RASA1: variants seen among roughly 807,000 people sequenced by gnomAD.
RASA1 encodes RAS p21 protein activator 1.
In RASA1, 25 loss-of-function variants were observed where a neutral mutation model predicts 132.2. That is an observed-to-expected ratio of 0.19 (90% confidence interval 0.14 to 0.26). The LOEUF is 0.26. Ranked by LOEUF, RASA1 falls within the 10% of genes least tolerant of loss-of-function variation. The probability of loss-of-function intolerance (pLI) is 1.00; values close to 1 mark genes in which losing one functional copy is unlikely to be tolerated. For synonymous variants in RASA1, 477 were observed against 449.9 expected (o/e 1.06, Z -0.76); for missense variants, 964 against 1,299.2 (o/e 0.74, Z 3.97).
At chr5:87,367,435 C>A (rs1483525378) in intron 11 of RASA1, among the ~76,000 whole-genome samples, 1 of 152,154 alleles carries the variant, frequency 6.6e-6, no homozygotes, top group African/African-American at 2.4e-5. Flanking sequence ...TTAACAGCCA[C>A]CTTGTGCAGT....
chr5:87,340,447 A>G (rs1174806328), intron 5 of RASA1, among the ~76,000 whole-genome samples: 2 of 151,764 alleles, frequency 1.3e-5, no homozygotes, highest in South Asian at 2.1e-4. Context: ...ACTCCCTTGG[A>G]TATAGTAACA....
intron 11 of RASA1, among the ~76,000 whole-genome samples, chr5:87,367,975 A>T (rs1050948176): frequency 1.2e-4 from 17 of 145,754 alleles, no homozygotes; most frequent in Admixed American, 2.7e-4. Flanking sequence ...ACTATAAATT[A>T]AAAAAAAAAT....
intron 1 of RASA1, among the ~76,000 whole-genome samples, chr5:87,322,482 C>G (rs926853668): frequency 3.9e-5 from 6 of 152,190 alleles, no homozygotes; most frequent in Non-Finnish European, 8.8e-5. Flanking sequence ...TCCACTAAAT[C>G]AGTCAGTCCC....
rs771474315 is a variant in RASA1, at chr5:87,338,109, C to T, written c.1017+18C>T. On this transcript the variant is annotated intron_variant, in intron 5 of 24. Coordinates refer to ENST00000274376, the MANE Select transcript of RASA1 (RefSeq NM_002890.3). Reference sequence around the variant, plus strand: ...AAGAGGTGGTAAGTTTTGTTCTTTTCTTCTCAATTCTAGATTCTAAATATT... The same window carrying T: ...AAGAGGTGGTAAGTTTTGTTCTTTTTTTCTCAATTCTAGATTCTAAATATT... 2 of 1,611,222 alleles carry T rather than the reference C, an allele frequency of 1.2e-6. No individual in the cohort carries two copies. The highest frequency in any genetic ancestry group is 1.7e-6 in the Non-Finnish European group (2 of 1,178,508).
intron 1 of RASA1, among the ~76,000 whole-genome samples, chr5:87,308,514 T>C (rs899956543): frequency 1.3e-5 from 2 of 152,172 alleles, no homozygotes; most frequent in African/African-American, 4.8e-5. Context: ...ATAACTATTA[T>C]TAAAAAACAA....
At chr5:87,286,793 C>T (rs753736744) in intron 1 of RASA1, among the ~76,000 whole-genome samples, 2 of 150,954 alleles carry the variant, frequency 1.3e-5, no homozygotes, top group Non-Finnish European at 3.0e-5. Flanking sequence ...ACCCAGTATA[C>T]ACATATGCAT....
chr5:87,281,344 G>A lies in RASA1; in HGVS notation c.539+12354G>A, dbSNP rs1042006137. Among the ~76,000 whole-genome samples the A allele has an allele frequency of 5.3e-5, 8 of 150,458 alleles. No individual in the cohort carries two copies. The East Asian group carries it at 1.4e-3, about 26-fold the overall frequency. On this transcript the variant is annotated intron_variant, in intron 1 of 24. Transcript: ENST00000274376. ...TGCAATCTCGTCTCACTGCAATCTC[G>A]TCTTACTGCAATCTCCGCCTCCTGA...
chr5:87,318,750 C>T (rs1580248061), intron 1 of RASA1: 1 of 152,288 alleles, frequency 6.6e-6, no homozygotes, highest in East Asian at 1.9e-4. Flanking sequence ...TCATTCTCCC[C>T]AGCCTCTCCC....
At chr5:87,279,007 G>A (rs1754195605) in intron 1 of RASA1, among the ~76,000 whole-genome samples, 1 of 150,760 alleles carries the variant, frequency 6.6e-6, no homozygotes, top group Non-Finnish European at 1.5e-5. Context: ...ACTTTGTGAG[G>A]CTGAGGCAGT....
Position 87,377,769 on chromosome 5 carries a change from C to G in RASA1, c.2345-627C>G, listed in dbSNP as rs192593865. On this transcript the variant is annotated intron_variant, in intron 17 of 24. Coordinates refer to ENST00000274376, the MANE Select transcript of RASA1 (RefSeq NM_002890.3). ...CACCCTCCCCCTGGCCCACACACAC[C>G]ACCAAGCACTTTGATTCATTAACAG... Among the ~76,000 whole-genome samples, 14 of 152,262 alleles carry G rather than the reference C, an allele frequency of 9.2e-5. No homozygotes were observed. In the East Asian group the frequency reaches 2.5e-3, roughly 27 times the overall value.
chr5:87,287,674 A>G (rs1754698488), intron 1 of RASA1, among the ~76,000 whole-genome samples: 1 of 147,250 alleles, frequency 6.8e-6, no homozygotes, highest in African/African-American at 2.5e-5. Context: ...TATACACCAT[A>G]TATGTACACG....
At chr5:87,279,023 C>T (rs1022947068) in intron 1 of RASA1, among the ~76,000 whole-genome samples, 19 of 143,054 alleles carry the variant, frequency 1.3e-4, no homozygotes, top group Admixed American at 9.1e-4. Context: ...GCAGTTGGAT[C>T]GCTTGAGCCC....
intron 21 of RASA1, among the ~76,000 whole-genome samples, chr5:87,385,050 T>G (rs1761973604): frequency 6.6e-6 from 1 of 152,112 alleles, no homozygotes; most frequent in Non-Finnish European, 1.5e-5. Flanking sequence ...TGCTGAGTTT[T>G]GTAGTACCCT....
chr5:87,372,190 C>T lies in RASA1; in HGVS notation c.1771C>T (p.Arg591Cys). 1 of 1,613,208 alleles carries T rather than the reference C, an allele frequency of 6.2e-7. No individual in the cohort carries two copies. Among genetic ancestry groups the T allele is most frequent in the Non-Finnish European group, 8.5e-7 (1 of 1,179,382 alleles). Residue 591 changes from arginine (R) to cysteine (C), a missense_variant, in exon 13 of 25, where the codon CGT (arginine) becomes TGT (cysteine). Arg to Cys is a radical substitution (Grantham distance 180, BLOSUM62 -3). Transcript: ENST00000274376. ...SSPGTSNKRLRQVSSLVLHIE... is the reference protein window; with the variant it reads ...SSPGTSNKRLCQVSSLVLHIE... ...TCCAGGGACATCCAATAAACGCCTT[C>T]GTCAGGTGAAGCTTAATTTTCTTGG...
Position 87,388,153 on chromosome 5 carries a change from T to G in RASA1, c.2926-1240T>G, listed in dbSNP as rs372289074. Among the ~76,000 whole-genome samples the G allele has an allele frequency of 3.5e-4, 54 of 152,332 alleles. No homozygotes were observed. In the South Asian group the frequency reaches 0.01, roughly 29 times the overall value. On this transcript the variant is annotated intron_variant, in intron 23 of 24. Coordinates refer to ENST00000274376, the MANE Select transcript of RASA1 (RefSeq NM_002890.3). Reference sequence around the variant, plus strand: ...CTGTGTTGCTATGATTACTTTATTCTAAAGTCCTTTCTACTGGAGTCAGTT... The same window carrying G: ...CTGTGTTGCTATGATTACTTTATTCGAAAGTCCTTTCTACTGGAGTCAGTT...
Position 87,391,517 on chromosome 5 carries a change from A to G in RASA1, c.*634A>G, listed in dbSNP as rs1762514594. 4.2e-6 allele frequency: 1 copy of G among 237,866 alleles called. No homozygotes were observed. The highest frequency in any genetic ancestry group is 5.2e-5 in the Admixed American group (1 of 19,094). The allele number at this position is 237,866 out of a possible 1,614,324, so 14.7% of individuals were successfully genotyped here. A position where few individuals can be genotyped will look rare whatever the true frequency, so the allele number is the denominator to read the frequency against. ...CTATTGCTCATCAGCTTTATTTTTT[A>G]AACATACGACTTATTTTGTTGAAAT... On this transcript the variant is annotated 3_prime_UTR_variant, in exon 25 of 25. Transcript: ENST00000274376.
rs1756145185 is a variant in RASA1, at chr5:87,314,244, A to T, written c.540-17104A>T. 2.0e-5 allele frequency among the ~76,000 whole-genome samples: 3 copies of T among 152,230 alleles called. No homozygotes were observed. In the South Asian group the frequency reaches 6.2e-4, roughly 32 times the overall value. On this transcript the variant is annotated intron_variant, in intron 1 of 24. Transcript: ENST00000274376. Reference sequence around the variant, plus strand: ...TTGGTTTGTTTAAGAAATGACAGGTAGTCCAGTGGAGACTGGCCAAGCCAT... The same window carrying T: ...TTGGTTTGTTTAAGAAATGACAGGTTGTCCAGTGGAGACTGGCCAAGCCAT...
chr5:87,309,782 A>G (rs1755784896), intron 1 of RASA1, among the ~76,000 whole-genome samples: 1 of 152,010 alleles, frequency 6.6e-6, no homozygotes, highest in South Asian at 2.1e-4. Context: ...TATAGTTTTT[A>G]TAGTATTAAA....
At chr5:87,373,541 G>A (rs369957115) in intron 13 of RASA1, among the ~76,000 whole-genome samples, 1 of 152,022 alleles carries the variant, frequency 6.6e-6, no homozygotes, top group Admixed American at 6.6e-5. Context: ...ATATTAGAAA[G>A]ATGAGGCTTA....
Sources: allele counts gnomAD v4.1 joint callset (sites outside exome capture counted in the v4.1 genomes callset), GRCh38; gene constraint gnomAD v4.1.1; transcripts MANE v1.5; gene names NCBI Gene and HGNC (gene_info 2026-07-23, HGNC 2026-07-21).